Variants in SLC4A7 observed in about 807,000 individuals in gnomAD.
SLC4A7 encodes sodium bicarbonate cotransporter 3.
Under a neutral mutation model 137.6 loss-of-function variants are expected in SLC4A7, and 51 were observed. The observed-to-expected ratio is 0.37, with a 90% CI of 0.30 to 0.47. The LOEUF is 0.47. SLC4A7 is among the 20% of genes least tolerant of loss of function. The pLI is 1.00. For missense variants in SLC4A7, 1,247 were observed against 1,525.4 expected, an observed-to-expected ratio of 0.82 and a Z score of 3.04; for synonymous variants, 542 against 518.6, an observed-to-expected ratio of 1.05 and a Z score of -0.61.
chr3:27,412,913 G>C (rs2054046031), intron 11 of SLC4A7, among the ~76,000 whole-genome samples: 1 of 151,970 alleles, frequency 6.6e-6, no homozygotes, highest in Admixed American at 6.6e-5. Flanking sequence ...AACTTCCTCA[G>C]AAAATGTGAA....
intron 1 of SLC4A7, among the ~76,000 whole-genome samples, chr3:27,481,589 T>C (rs1301475718): frequency 6.6e-6 from 1 of 152,214 alleles, no homozygotes; most frequent in South Asian, 2.1e-4. Context: ...TCAACGCCAA[T>C]AGTTCCTCTT....
intron 4 of SLC4A7, 95 bp downstream of exon 4, chr3:27,437,292 AG>A (rs1187809043): frequency 1.6e-5 from 10 of 626,178 alleles, no homozygotes; most frequent in Non-Finnish European, 2.4e-5. Flanking sequence ...CAGAAGTTGC[AG>A]TGAGCCCAGA....
At chr3:27,453,707 G>C (rs1176846501) in intron 1 of SLC4A7, among the ~76,000 whole-genome samples, 1 of 152,194 alleles carries the variant, frequency 6.6e-6, no homozygotes, top group Admixed American at 6.5e-5. Flanking sequence ...GAACTGAACT[G>C]ATTTGATTAA....
intron 1 of SLC4A7, among the ~76,000 whole-genome samples, chr3:27,478,273 T>A (rs538862184): frequency 6.1e-4 from 93 of 151,994 alleles, no homozygotes; most frequent in Admixed American, 3.1e-3. Flanking sequence ...ATCCCAGCAC[T>A]TTGGGAGGCT....
intron 1 of SLC4A7, among the ~76,000 whole-genome samples, chr3:27,476,570 T>C (rs1173804477): frequency 6.6e-6 from 1 of 152,190 alleles, no homozygotes; most frequent in Non-Finnish European, 1.5e-5. Context: ...AATCCCCTCA[T>C]GTTGAAGAAG....
At chr3:27,478,007 C>G (rs188369413) in intron 1 of SLC4A7, among the ~76,000 whole-genome samples, 33 of 152,242 alleles carry the variant, frequency 2.2e-4, no homozygotes, top group Admixed American at 1.8e-3. Context: ...AAAGTATAAC[C>G]ATTTCTCATG....
intron 3 of SLC4A7, among the ~76,000 whole-genome samples, chr3:27,446,968 C>A (rs933697773): frequency 6.7e-6 from 1 of 148,758 alleles, no homozygotes; most frequent in African/African-American, 2.5e-5. Flanking sequence ...ACTGCAACCT[C>A]TGCCTCCCGG....
intron 7 of SLC4A7, among the ~76,000 whole-genome samples, chr3:27,427,895 CAGTT>C (rs1315886481): frequency 7.9e-5 from 12 of 152,180 alleles, no homozygotes; most frequent in Non-Finnish European, 1.6e-4. Context: ...GTTGGATTCT[CAGTT>C]AATTTATCTC....
intron 24 of SLC4A7, among the ~76,000 whole-genome samples, chr3:27,380,964 T>C (rs2050362722): frequency 6.6e-6 from 1 of 152,226 alleles, no homozygotes; most frequent in African/African-American, 2.4e-5. Flanking sequence ...TGAAATTAGA[T>C]AGGAAAAAAT....
At chr3:27,392,048 C>T (rs960074980) in intron 20 of SLC4A7, among the ~76,000 whole-genome samples, 1 of 152,130 alleles carries the variant, frequency 6.6e-6, no homozygotes, top group African/African-American at 2.4e-5. Context: ...GTACTGCAGT[C>T]AGACTTAGTT....
chr3:27,380,793 T>G (rs2050346872), intron 24 of SLC4A7, among the ~76,000 whole-genome samples: 1 of 152,260 alleles, frequency 6.6e-6, no homozygotes, highest in African/African-American at 2.4e-5. Context: ...CCCAAGTTTA[T>G]AATGGCATAG....
At chr3:27,421,542 C>T (rs762208871) in intron 9 of SLC4A7, 80 bp downstream of exon 9, 97 of 1,041,932 alleles carry the variant, frequency 9.3e-5, no homozygotes, top group Non-Finnish European at 1.3e-4. Context: ...CATAAATCAA[C>T]ATGCTTGTTC....
At chr3:27,476,578 A>C (rs2059467410) in intron 1 of SLC4A7, among the ~76,000 whole-genome samples, 1 of 152,108 alleles carries the variant, frequency 6.6e-6, no homozygotes, top group Admixed American at 6.5e-5. Context: ...CATGTTGAAG[A>C]AGGGGCCTGG....
intron 24 of SLC4A7, among the ~76,000 whole-genome samples, chr3:27,379,774 CAAAT>C (rs900746244): frequency 2.6e-5 from 4 of 152,000 alleles, no homozygotes; most frequent in African/African-American, 7.2e-5. Flanking sequence ...TTAATCTTAT[CAAAT>C]AAATACTCAA....
intron 2 of SLC4A7, among the ~76,000 whole-genome samples, chr3:27,450,596 G>A (rs1270583306): frequency 6.6e-6 from 1 of 152,022 alleles, no homozygotes; most frequent in African/African-American, 2.4e-5. Flanking sequence ...TAGTACTAAT[G>A]GGTCTTGGCA....
At chr3:27,408,081 G>C (rs1378296300) in intron 13 of SLC4A7, among the ~76,000 whole-genome samples, 1 of 152,076 alleles carries the variant, frequency 6.6e-6, no homozygotes, top group Non-Finnish European at 1.5e-5. Flanking sequence ...TCACTCACGT[G>C]TGGCAAAGCA....
chr3:27,467,820 A>C (rs2150681413), intron 1 of SLC4A7, among the ~76,000 whole-genome samples: 2 of 152,350 alleles, frequency 1.3e-5, no homozygotes, highest in South Asian at 4.1e-4. Flanking sequence ...GGTTAAGAGA[A>C]TGACTCTAAA....
At chr3:27,385,321 AT>A (rs1041709169) in intron 23 of SLC4A7, among the ~76,000 whole-genome samples, 17 of 152,198 alleles carry the variant, frequency 1.1e-4, no homozygotes, top group Middle Eastern at 3.2e-3. Context: ...GAATAAAGTT[AT>A]TTATGCTTAA....
chr3:27,477,944 T>C (rs899678760), intron 1 of SLC4A7, among the ~76,000 whole-genome samples: 5 of 152,028 alleles, frequency 3.3e-5, no homozygotes, highest in African/African-American at 1.2e-4. Context: ...CATTCCACAC[T>C]CCTTTCTGTA....
Sources: allele counts gnomAD v4.1 joint callset (sites outside exome capture counted in the v4.1 genomes callset), GRCh38; gene constraint gnomAD v4.1.1; transcripts MANE v1.5; gene names NCBI Gene and HGNC (gene_info 2026-07-23, HGNC 2026-07-21).